PRORP: variants seen among roughly 807,000 people sequenced by gnomAD.
PRORP encodes the protein mitochondrial ribonuclease P catalytic subunit.
In PRORP, 51 loss-of-function variants were observed where a neutral mutation model predicts 59.4. The ratio of observed to expected loss-of-function variants is 0.86; its 90% CI spans 0.69 to 1.08. PRORP has a LOEUF of 1.08. PRORP is among the 50% of genes least tolerant of loss of function. PRORP has a pLI of 0.00. For missense variants in PRORP, 646 were observed against 690.3 expected (o/e 0.94, Z 0.72); for synonymous variants, 231 against 245.6 (o/e 0.94, Z 0.55).
At chr14:35,216,131 A>AATATATTTATATTTATATATAAT (rs1277013992) in intron 5 of PRORP, among the ~76,000 whole-genome samples, 7 of 147,708 alleles carry the variant, frequency 4.7e-5, no homozygotes, top group East Asian at 1.9e-4. Context: ...TATAATATAT[A>AATATATTTATATTTATATATAAT]ATATATTTAT....
chr14:35,184,849 T>C (rs1453498566), intron 5 of PRORP, among the ~76,000 whole-genome samples: 5 of 152,348 alleles, frequency 3.3e-5, no homozygotes, highest in Admixed American at 3.3e-4. Context: ...ACAAAAGACA[T>C]GATCTCATTC....
Position 35,123,822 on chromosome 14 carries a change from G to GA in PRORP, c.579dup (p.Val194SerfsTer3). ...CTGTGTCTTTCATATGCAGACATCT[G>GA]AAGTTATTGATGTCTTTGAAATTAT... is the stretch of plus-strand genomic sequence containing the variant. On this transcript the variant is annotated frameshift_variant, in exon 2 of 8. Coordinates refer to ENST00000534898, the MANE Select transcript of PRORP (RefSeq NM_014672.4). LOFTEE classifies it high-confidence loss of function. The GA allele has an allele frequency of 6.2e-7, 1 of 1,614,054 alleles. No homozygotes were observed. The highest frequency in any genetic ancestry group is 8.5e-7 in the Non-Finnish European group (1 of 1,179,924).
At chr14:35,133,668 T>C (rs777833821) in intron 4 of PRORP, among the ~76,000 whole-genome samples, 24 of 152,222 alleles carry the variant, frequency 1.6e-4, no homozygotes, top group Non-Finnish European at 3.1e-4. Context: ...TTAAAAGGAC[T>C]TGGGTGTTGT....
At chr14:35,135,672 T>G (rs1277043296) in intron 4 of PRORP, among the ~76,000 whole-genome samples, 1 of 152,036 alleles carries the variant, frequency 6.6e-6, no homozygotes, top group Non-Finnish European at 1.5e-5. Context: ...TAACGTGTTT[T>G]AAGCAGGCCG....
At position 35,270,606 on chromosome 14, in the gene PRORP, C is replaced by T. The variant is rs750230518; in HGVS notation, c.1620+10C>T. ...AAAACTAACCTTTCAGGTAATGGTA[C>T]CTGTTCTTTATGTAATATTAACAGA... is the stretch of plus-strand genomic sequence containing the variant. On this transcript the variant is annotated intron_variant, in intron 7 of 7. Coordinates refer to ENST00000534898, the MANE Select transcript of PRORP (RefSeq NM_014672.4). The T allele has an allele frequency of 1.2e-6, 2 of 1,610,088 alleles. No homozygotes were observed. Among genetic ancestry groups the T allele is most frequent in the South Asian group, 1.1e-5 (1 of 90,974 alleles).
chr14:35,189,691 A>G (rs1245567755), intron 5 of PRORP, among the ~76,000 whole-genome samples: 2 of 152,210 alleles, frequency 1.3e-5, no homozygotes, highest in Non-Finnish European at 2.9e-5. Flanking sequence ...CATATTGTGT[A>G]TTCTGTTGTC....
intron 5 of PRORP, among the ~76,000 whole-genome samples, chr14:35,211,048 T>C (rs949044434): frequency 3.1e-4 from 47 of 152,062 alleles, no homozygotes; most frequent in Non-Finnish European, 4.4e-5. Flanking sequence ...GTTAAGATTA[T>C]AGATGCGAGC....
intron 4 of PRORP, among the ~76,000 whole-genome samples, chr14:35,148,881 C>T (rs1424027337): frequency 6.6e-6 from 1 of 151,372 alleles, no homozygotes; most frequent in African/African-American, 2.4e-5. Flanking sequence ...TGCCCATAAC[C>T]TCCCAGCAGC....
chr14:35,135,177 A>G (rs1031906705), intron 4 of PRORP, among the ~76,000 whole-genome samples: 1 of 152,184 alleles, frequency 6.6e-6, no homozygotes, highest in Admixed American at 6.5e-5. Flanking sequence ...GAGGAATGGC[A>G]GTGGTGATTC....
chr14:35,186,247 T>C (rs1055136908), intron 5 of PRORP, among the ~76,000 whole-genome samples: 1 of 150,676 alleles, frequency 6.6e-6, no homozygotes, highest in African/African-American at 2.4e-5. Flanking sequence ...CCTCCCAAAG[T>C]GTTGGGATTA....
chr14:35,172,439 TC>T, intron 4 of PRORP, among the ~76,000 whole-genome samples: 1 of 63,428 alleles, frequency 1.6e-5, no homozygotes, highest in African/African-American at 4.0e-5. Flanking sequence ...CTTCCTTCCT[TC>T]CTTCCTTCCT....
chr14:35,227,262 T>G (rs955188204), intron 5 of PRORP, among the ~76,000 whole-genome samples: 3 of 151,188 alleles, frequency 2.0e-5, no homozygotes, highest in Non-Finnish European at 4.4e-5. Context: ...GCCAACATGG[T>G]GAAACCCCGT....
chr14:35,208,456 T>A (rs964580301), intron 5 of PRORP, among the ~76,000 whole-genome samples: 1 of 152,216 alleles, frequency 6.6e-6, no homozygotes, highest in African/African-American at 2.4e-5. Flanking sequence ...TAAAGACATA[T>A]AATGTAATTT....
chr14:35,277,595 T>C lies in PRORP; in HGVS notation c.*4029T>C, dbSNP rs950901959. 5.3e-5 allele frequency: 8 copies of C among 152,174 alleles called. No individual in the cohort carries two copies. The highest frequency in any genetic ancestry group is 8.8e-5 in the Non-Finnish European group (6 of 68,016). The allele number at this position is 152,174 out of a possible 1,614,324, so 9.4% of individuals were successfully genotyped here. A position where few individuals can be genotyped will look rare whatever the true frequency, so the allele number is the denominator to read the frequency against. ...AGAGACAGGAACACAGATGAATAAA[T>C]GTAATAAAATTTGAGAAATAATCTT... On this transcript the variant is annotated 3_prime_UTR_variant, in exon 8 of 8. Coordinates refer to ENST00000534898, the MANE Select transcript of PRORP (RefSeq NM_014672.4).
intron 5 of PRORP, among the ~76,000 whole-genome samples, chr14:35,214,117 A>AT: frequency 6.6e-6 from 1 of 152,268 alleles, no homozygotes; most frequent in East Asian, 1.9e-4. Flanking sequence ...TCATTTGTTT[A>AT]TTTTAGTGAG....
chr14:35,127,448 A>C, intron 3 of PRORP, 31 bp from the exon 4 acceptor site: 2 of 1,458,998 alleles, frequency 1.4e-6, no homozygotes, highest in Non-Finnish European at 1.8e-6. Flanking sequence ...CGACATATTT[A>C]AATATTATTA....
chr14:35,257,267 C>T (rs1181063999), intron 5 of PRORP, among the ~76,000 whole-genome samples: 1 of 152,184 alleles, frequency 6.6e-6, no homozygotes, highest in Non-Finnish European at 1.5e-5. Context: ...TTAAGTACTT[C>T]ATGTTGTCGT....
chr14:35,237,528 A>G (rs769893191), intron 5 of PRORP, among the ~76,000 whole-genome samples: 46 of 152,240 alleles, frequency 3.0e-4, no homozygotes, highest in Non-Finnish European at 5.9e-4. Context: ...TTTCAAATCT[A>G]TCCTCTTCCA....
At chr14:35,139,275 T>A (rs1385339465) in intron 4 of PRORP, among the ~76,000 whole-genome samples, 2 of 145,766 alleles carry the variant, frequency 1.4e-5, no homozygotes, top group Non-Finnish European at 3.0e-5. Flanking sequence ...ATTTTTCAAC[T>A]ATAGTTTTAT....
Sources: gnomAD v4.1 joint callset for allele counts (sites outside exome capture counted in the v4.1 genomes callset) on GRCh38, gnomAD v4.1.1 for gene constraint, MANE v1.5 for transcripts, NCBI Gene and HGNC (gene_info 2026-07-23, HGNC 2026-07-21) for gene names.